Variants in TBCA observed in about 807,000 individuals in gnomAD.
TBCA encodes the protein tubulin folding cofactor A, also known as tubulin-specific chaperone A.
Under a neutral mutation model 15.8 loss-of-function variants are expected in TBCA, and 6 were observed. The ratio of observed to expected loss-of-function variants is 0.38; its 90% CI spans 0.21 to 0.75. TBCA has a LOEUF of 0.75. Among genes scored for constraint, TBCA ranks in the 30% least tolerant of loss-of-function variants. TBCA has a pLI of 0.46. For synonymous variants in TBCA, 32 were observed against 42.3 expected, an observed-to-expected ratio of 0.76 and a Z score of 0.94; for missense variants, 90 against 131.2, an observed-to-expected ratio of 0.69 and a Z score of 1.53.
intron 1 of TBCA, among the ~76,000 whole-genome samples, chr5:77,761,696 ACT>A (rs56112302): frequency 2.6e-3 from 387 of 148,756 alleles, no homozygotes; most frequent in Non-Finnish European, 4.7e-3. Context: ...GAATTTAATC[ACT>A]TTTTTTTTTT....
At chr5:77,709,933 A>C (rs1746237674) in intron 1 of TBCA, among the ~76,000 whole-genome samples, 1 of 152,256 alleles carries the variant, frequency 6.6e-6, no homozygotes, top group East Asian at 1.9e-4. Context: ...TGATTTTATT[A>C]CAGGACATAT....
At chr5:77,728,728 G>T in intron 1 of TBCA, among the ~76,000 whole-genome samples, 1 of 152,058 alleles carries the variant, frequency 6.6e-6, no homozygotes, top group Non-Finnish European at 1.5e-5. Context: ...ATTCAAATAA[G>T]AAAAAATTAA....
At chr5:77,732,005 G>A (rs1027085442) in intron 1 of TBCA, among the ~76,000 whole-genome samples, 3 of 152,172 alleles carry the variant, frequency 2.0e-5, no homozygotes, top group Non-Finnish European at 2.9e-5. Context: ...CAGCCTGGGT[G>A]TTTGGAGAAA....
intron 1 of TBCA, among the ~76,000 whole-genome samples, chr5:77,767,947 C>T (rs1747818787): frequency 6.6e-6 from 1 of 152,150 alleles, no homozygotes; most frequent in South Asian, 2.1e-4. Flanking sequence ...AATGAGGTCT[C>T]CTCCCTTGTG....
intron 1 of TBCA, among the ~76,000 whole-genome samples, chr5:77,769,450 G>A (rs1213148989): frequency 1.3e-5 from 2 of 152,214 alleles, no homozygotes; most frequent in East Asian, 3.9e-4. Flanking sequence ...AGCTAATGGG[G>A]GGAGACTTTA....
intron 3 of TBCA, chr5:77,692,882 A>T: frequency 8.6e-7 from 1 of 1,161,608 alleles, no homozygotes; most frequent in Non-Finnish European, 1.1e-6. Flanking sequence ...CCTTTTAATA[A>T]GATCCCAAAT....
intron 1 of TBCA, among the ~76,000 whole-genome samples, chr5:77,759,674 G>A (rs1012464523): frequency 6.6e-6 from 1 of 152,192 alleles, no homozygotes; most frequent in African/African-American, 2.4e-5. Context: ...AATGTGAGGT[G>A]TTTAGGCATC....
intron 1 of TBCA, among the ~76,000 whole-genome samples, chr5:77,758,236 A>G (rs115488109): frequency 0.016 from 2,503 of 152,258 alleles, 67 homozygotes; most frequent in African/African-American, 0.057. Flanking sequence ...AGAAAGTGAA[A>G]TCAAAGACAG....
intron 1 of TBCA, among the ~76,000 whole-genome samples, chr5:77,765,073 T>C (rs949108686): frequency 6.6e-6 from 1 of 152,142 alleles, no homozygotes; most frequent in African/African-American, 2.4e-5. Flanking sequence ...CGAAAAATAA[T>C]CTTACTTTCC....
chr5:77,775,281 T>C (rs1484680192), intron 1 of TBCA, among the ~76,000 whole-genome samples: 3 of 152,158 alleles, frequency 2.0e-5, no homozygotes, highest in African/African-American at 7.2e-5. Context: ...CACATGTAAA[T>C]TGTGTATTAA....
At chr5:77,743,786 A>G (rs1747105010) in intron 1 of TBCA, among the ~76,000 whole-genome samples, 1 of 152,074 alleles carries the variant, frequency 6.6e-6, no homozygotes, top group Admixed American at 6.5e-5. Flanking sequence ...CTCTTCTGGG[A>G]GTTTTCACAT....
intron 1 of TBCA, among the ~76,000 whole-genome samples, chr5:77,712,264 G>T (rs1185211575): frequency 6.6e-6 from 1 of 152,054 alleles, no homozygotes; most frequent in East Asian, 1.9e-4. Context: ...CTGGTGAATT[G>T]GGATTGTCAG....
At chr5:77,729,009 T>C (rs940638738) in intron 1 of TBCA, among the ~76,000 whole-genome samples, 1 of 152,088 alleles carries the variant, frequency 6.6e-6, no homozygotes, top group Non-Finnish European at 1.5e-5. Flanking sequence ...AAAAATGCAA[T>C]GAGAATTGTA....
intron 2 of TBCA, chr5:77,705,522 C>T (rs894342394): frequency 2.0e-5 from 8 of 398,192 alleles, no homozygotes; most frequent in Non-Finnish European, 2.2e-5. Context: ...TATGAAGGGT[C>T]GTTAGTTCAT....
chr5:77,706,270 T>C (rs1165321112), intron 2 of TBCA, among the ~76,000 whole-genome samples: 1 of 152,226 alleles, frequency 6.6e-6, no homozygotes, highest in East Asian at 1.9e-4. Context: ...TTCTCCTTTT[T>C]TTAAACTGTC....
intron 1 of TBCA, among the ~76,000 whole-genome samples, chr5:77,759,828 TATACA>T (rs966719286): frequency 1.3e-5 from 2 of 152,172 alleles, no homozygotes; most frequent in Non-Finnish European, 2.9e-5. Flanking sequence ...TATGTATACT[TATACA>T]ATATACTTAT....
chr5:77,721,695 C>T (rs1383897450), intron 1 of TBCA, among the ~76,000 whole-genome samples: 1 of 151,968 alleles, frequency 6.6e-6, no homozygotes, highest in Non-Finnish European at 1.5e-5. Context: ...GGTAATAGTA[C>T]TTGGCATAGA....
intron 2 of TBCA, among the ~76,000 whole-genome samples, chr5:77,699,050 A>AAG (rs1745943004): frequency 1.4e-5 from 2 of 144,456 alleles, no homozygotes; most frequent in African/African-American, 2.5e-5. Flanking sequence ...AAAAAAAAAA[A>AAG]AAAAAAAAGA....
At chr5:77,731,402 T>C (rs993671028) in intron 1 of TBCA, among the ~76,000 whole-genome samples, 4 of 152,220 alleles carry the variant, frequency 2.6e-5, no homozygotes, top group African/African-American at 9.6e-5. Context: ...AGGATAATAA[T>C]AGTATCTACC....
Sources: allele counts gnomAD v4.1 joint callset (sites outside exome capture counted in the v4.1 genomes callset), GRCh38; gene constraint gnomAD v4.1.1; transcripts MANE v1.5; gene names NCBI Gene and HGNC (gene_info 2026-07-23, HGNC 2026-07-21).